The following ACER1 variants were observed in gnomAD, a reference collection of about 807,000 sequenced individuals.
The protein encoded by ACER1 is alkaline ceramidase 1, also known as CTB-180A7.3.
ACER1 carries 28 observed loss-of-function variants against 24.9 expected under a neutral mutation model. The ratio of observed to expected loss-of-function variants is 1.13; its 90% CI spans 0.83 to 1.54. The LOEUF (loss-of-function observed/expected upper bound fraction) is 1.54. Among genes scored for constraint, ACER1 ranks in the 40% most tolerant of loss-of-function variants. The pLI, the probability that ACER1 is intolerant of heterozygous loss-of-function variation, is 0.00. For synonymous variants in ACER1, 132 were observed against 131.4 expected (o/e 1.00, Z -0.03); for missense variants, 352 against 349.3 (o/e 1.01, Z -0.06).
At chr19:6,349,007 G>GC in the ACER1 span, among the ~76,000 whole-genome samples, 1 of 151,790 alleles carries the variant, frequency 6.6e-6, no homozygotes, top group South Asian at 2.1e-4. Flanking sequence ...AGTGAGCTGA[G>GC]ATAGCACCAC....
At chr19:6,324,244 A>G (rs1219192342) in intron 1 of ACER1, among the ~76,000 whole-genome samples, 1 of 151,592 alleles carries the variant, frequency 6.6e-6, no homozygotes, top group African/African-American at 2.4e-5. Flanking sequence ...GGGTTTCACC[A>G]TGTTGGCCAG....
chr19:6,346,981 A>T, the ACER1 span, among the ~76,000 whole-genome samples: 1 of 150,698 alleles, frequency 6.6e-6, no homozygotes, highest in Non-Finnish European at 1.5e-5. Flanking sequence ...TGTGTTGCAG[A>T]CAGGGCATGG....
chr19:6,339,841 AT>A, the ACER1 span, among the ~76,000 whole-genome samples: 1 of 151,556 alleles, frequency 6.6e-6, no homozygotes, highest in Non-Finnish European at 1.5e-5. Context: ...TTTTTTTTGT[AT>A]TTTTAGTAGA....
chr19:6,316,071 T>C (rs2091601940), intron 1 of ACER1, among the ~76,000 whole-genome samples: 1 of 152,128 alleles, frequency 6.6e-6, no homozygotes, highest in African/African-American at 2.4e-5. Flanking sequence ...GAGGTTGCAG[T>C]GAGCTGAGAT....
the ACER1 span, among the ~76,000 whole-genome samples, chr19:6,353,182 A>G: frequency 6.6e-6 from 1 of 152,180 alleles, no homozygotes; most frequent in African/African-American, 2.4e-5. Flanking sequence ...AGAAACAAAA[A>G]TTAGCTGGGC....
At chr19:6,332,674 TTTTTTCTTC>T (rs1225688696) in intron 1 of ACER1, among the ~76,000 whole-genome samples, 2 of 151,580 alleles carry the variant, frequency 1.3e-5, no homozygotes. Flanking sequence ...AGGTGGGACT[TTTTTTCTTC>T]TTTTTTTGAG....
At chr19:6,326,211 C>T (rs1309526685) in intron 1 of ACER1, among the ~76,000 whole-genome samples, 1 of 149,910 alleles carries the variant, frequency 6.7e-6, no homozygotes. Context: ...CTGCAAGCTC[C>T]GCCTCCTGGG....
chr19:6,306,624 T>A lies in ACER1; in HGVS notation c.*90A>T, dbSNP rs187105476. 6.9e-7 allele frequency: 1 copy of A among 1,450,906 alleles called. No homozygotes were observed. The highest frequency in any genetic ancestry group is 2.1e-5 in the Admixed American group (1 of 46,696). The allele number at this position is 1,450,906 out of a possible 1,614,324, so 89.9% of individuals were successfully genotyped here. ...GGGAAACAGAGGAAGGAACCACGAG[T>A]GTCCCGCAGGTGCAAGTCCTGACCG... On this transcript the variant is annotated 3_prime_UTR_variant, in exon 6 of 6. Coordinates refer to ENST00000301452, the MANE Select transcript of ACER1 (RefSeq NM_133492.3).
intron 5 of ACER1, 86 bp from the exon 6 acceptor site, chr19:6,306,968 C>A (rs894972257): frequency 9.9e-6 from 15 of 1,519,148 alleles, no homozygotes; most frequent in Non-Finnish European, 1.3e-5. Context: ...TGGCTCTTGA[C>A]CATCCATCCA....
At chr19:6,307,077 C>G in intron 5 of ACER1, 76 bp downstream of exon 5, 1 of 1,585,448 alleles carries the variant, frequency 6.3e-7, no homozygotes, top group Non-Finnish European at 8.6e-7. Context: ...CCCCAGCCCC[C>G]AGGTGCCTAC....
chr19:6,341,251 AG>A, the ACER1 span, among the ~76,000 whole-genome samples: 1 of 146,536 alleles, frequency 6.8e-6, no homozygotes, highest in East Asian at 2.3e-4. Flanking sequence ...TGGAGGTTGC[AG>A]TGAGCCAAGA....
At chr19:6,356,962 G>C in the ACER1 span, among the ~76,000 whole-genome samples, 1 of 151,588 alleles carries the variant, frequency 6.6e-6, no homozygotes, top group South Asian at 2.1e-4. Context: ...AATTAAACAA[G>C]GCAAATGTTC....
chr19:6,308,702 T>A (rs554382648), intron 4 of ACER1, among the ~76,000 whole-genome samples: 118 of 152,264 alleles, frequency 7.7e-4, no homozygotes, highest in African/African-American at 2.6e-3. Flanking sequence ...TGAGCCATCA[T>A]GCCCAGCAAG....
chr19:6,309,808 A>C lies in ACER1; in HGVS notation c.377T>G (p.Ile126Ser), dbSNP rs773275022. ...NRSQFIRLVF[I>S]TTVVSTLLSF... is the part of the protein sequence containing the mutation. ...CAGAAGGGTGCTGACCACAGTGGTG[A>C]TGAAGACCAGGCGGATGAACTGGGA... The change falls in exon 4 of 6, where the codon ATC becomes AGC. Residue 126 changes from isoleucine (I) to serine (S), a missense_variant. Transcript: ENST00000301452. 3 of 1,613,972 alleles carry C rather than the reference A, an allele frequency of 1.9e-6. No individual in the cohort carries two copies. Among genetic ancestry groups the C allele is most frequent in the Non-Finnish European group, 2.5e-6 (3 of 1,179,976 alleles).
At chr19:6,329,257 CAG>C (rs1229663686) in intron 1 of ACER1, among the ~76,000 whole-genome samples, 2 of 152,064 alleles carry the variant, frequency 1.3e-5, no homozygotes, top group Non-Finnish European at 2.9e-5. Context: ...TTGGGATACT[CAG>C]AAGCGTTTTG....
At chr19:6,336,615 T>C (rs147192398), upstream of ACER1, among the ~76,000 whole-genome samples, 10,947 of 151,260 alleles carry the variant, frequency 0.072, 482 homozygotes, top group South Asian at 0.24. Flanking sequence ...GGTCAGGAGA[T>C]CAAGACCATC....
At chr19:6,340,309 A>T in the ACER1 span, among the ~76,000 whole-genome samples, 37 of 11,020 alleles carry the variant, frequency 3.4e-3, no homozygotes, top group African/African-American at 9.7e-3. Context: ...GGAAGGAAGG[A>T]AGGAAGGAAG....
At chr19:6,320,785 C>A (rs913663015) in intron 1 of ACER1, among the ~76,000 whole-genome samples, 1 of 152,046 alleles carries the variant, frequency 6.6e-6, no homozygotes, top group African/African-American at 2.4e-5. Flanking sequence ...CCTTGATTTC[C>A]CCATCTGTAA....
upstream of ACER1, among the ~76,000 whole-genome samples, chr19:6,333,971 C>A (rs2091702610): frequency 6.6e-6 from 1 of 152,076 alleles, no homozygotes; most frequent in Non-Finnish European, 1.5e-5. Context: ...CCTCAAACTC[C>A]CAGGCTCAAG....
Sources: allele counts gnomAD v4.1 joint callset (sites outside exome capture counted in the v4.1 genomes callset), GRCh38; gene constraint gnomAD v4.1.1; transcripts MANE v1.5; gene names NCBI Gene and HGNC (gene_info 2026-07-23, HGNC 2026-07-21).